The following CPNE2 variants were observed in gnomAD, a reference collection of about 807,000 sequenced individuals.
The protein encoded by CPNE2 is copine-2.
In CPNE2, 42 loss-of-function variants were observed where a neutral mutation model predicts 69.7. That is an observed-to-expected ratio of 0.60 (90% CI 0.47 to 0.78). The LOEUF (loss-of-function observed/expected upper bound fraction) is 0.78. Among genes scored for constraint, CPNE2 ranks in the 30% least tolerant of loss-of-function variants. The probability of loss-of-function intolerance (pLI) is 0.00; values close to 1 mark genes in which losing one functional copy is unlikely to be tolerated. For missense variants in CPNE2, 587 were observed against 732.0 expected, an observed-to-expected ratio of 0.80 and a Z score of 2.29; for synonymous variants, 294 against 289.8, an observed-to-expected ratio of 1.01 and a Z score of -0.15.
chr16:57,108,912 T>C (rs2069663316), intron 1 of CPNE2, among the ~76,000 whole-genome samples: 2 of 152,248 alleles, frequency 1.3e-5, no homozygotes, highest in African/African-American at 4.8e-5. Context: ...TGGCAGGATC[T>C]GAGGCATATG....
intron 1 of CPNE2, among the ~76,000 whole-genome samples, chr16:57,100,186 T>C (rs772446662): frequency 6.6e-5 from 10 of 152,302 alleles, no homozygotes; most frequent in Non-Finnish European, 1.0e-4. Context: ...ATTACAGGCA[T>C]GAGTCACCAT....
intron 1 of CPNE2, chr16:57,110,489 T>G: frequency 4.0e-6 from 1 of 248,280 alleles, no homozygotes; most frequent in Non-Finnish European, 7.8e-6. Flanking sequence ...GTGCTGAGAT[T>G]ATAGGCGTGA....
At chr16:57,123,336 A>G (rs938723685) in intron 9 of CPNE2, 78 bp from the exon 10 acceptor site, 11 of 1,453,652 alleles carry the variant, frequency 7.6e-6, no homozygotes, top group African/African-American at 1.4e-5. Context: ...CTGAGGTTGC[A>G]GGACATAGAG....
intron 1 of CPNE2, chr16:57,093,822 G>A (rs2069560666): frequency 1.2e-5 from 4 of 328,900 alleles, no homozygotes. Context: ...ACAGCTTCAC[G>A]GACTGCAGGG....
Position 57,117,544 on chromosome 16 carries a change from G to A in CPNE2, c.484G>A (p.Ala162Thr), listed in dbSNP as rs1359592706. The change falls in exon 5 of 16, where the codon GCG (alanine) becomes ACG (threonine). Residue 162 changes from alanine (A) to threonine (T), a missense_variant. Coordinates refer to ENST00000290776, the MANE Select transcript of CPNE2 (RefSeq NM_152727.6). ...SDNRVITLSL[A>T]GRRLDKKDLF... is the part of the protein sequence containing the mutation. The stretch of plus-strand genomic sequence containing the variant: ...CAACCGCGTCATCACACTAAGCCTG[G>A]CGGGCAGGAGGCTGGACAAGAAGGT... 6 of 1,613,960 alleles carry A rather than the reference G, an allele frequency of 3.7e-6. No individual in the cohort carries two copies. The highest frequency in any genetic ancestry group is 5.1e-6 in the Non-Finnish European group (6 of 1,179,940).
intron 13 of CPNE2, among the ~76,000 whole-genome samples, 164 bp from the exon 14 acceptor site, chr16:57,136,985 C>CT (rs2069886304): frequency 6.6e-6 from 1 of 152,260 alleles, no homozygotes; most frequent in Non-Finnish European, 1.5e-5. Flanking sequence ...TTTTACCATG[C>CT]TGGCCCTTCC....
At chr16:57,100,101 G>T (rs2069604188) in intron 1 of CPNE2, among the ~76,000 whole-genome samples, 1 of 151,922 alleles carries the variant, frequency 6.6e-6, no homozygotes, top group Non-Finnish European at 1.5e-5. Context: ...TGGGGATGGG[G>T]TTTCACAATG....
At chr16:57,144,000 T>A (rs1225430805) in intron 14 of CPNE2, 1 of 152,392 alleles carries the variant, frequency 6.6e-6, no homozygotes, top group African/African-American at 2.4e-5. Flanking sequence ...TCTACCTATC[T>A]GCTTAGGTGT....
intron 1 of CPNE2, among the ~76,000 whole-genome samples, chr16:57,104,654 C>T (rs978929460): frequency 2.0e-5 from 3 of 152,104 alleles, no homozygotes; most frequent in Admixed American, 6.5e-5. Context: ...TCCTGAGGGA[C>T]GGGGCAGACA....
intron 10 of CPNE2, chr16:57,125,525 G>A (rs2069794332): frequency 7.7e-6 from 3 of 388,778 alleles, no homozygotes; most frequent in Non-Finnish European, 1.5e-5. Flanking sequence ...TGCATGCAGA[G>A]CGAAGCTTAT....
intron 1 of CPNE2, among the ~76,000 whole-genome samples, chr16:57,109,696 G>T (rs765593662): frequency 1.9e-4 from 29 of 152,294 alleles, no homozygotes; most frequent in South Asian, 1.0e-3. Flanking sequence ...AAGTGTAGCA[G>T]TGAGGACGAC....
At chr16:57,111,437 C>T (rs1483893365) in intron 2 of CPNE2, among the ~76,000 whole-genome samples, 1 of 152,238 alleles carries the variant, frequency 6.6e-6, no homozygotes, top group Non-Finnish European at 1.5e-5. Flanking sequence ...CTCCACTTCC[C>T]AAAGTGCTGG....
intron 1 of CPNE2, chr16:57,093,811 C>G (rs1460639870): frequency 6.2e-6 from 2 of 325,144 alleles, no homozygotes; most frequent in East Asian, 2.0e-4. Context: ...CTTGGGCATC[C>G]ACAGCTTCAC....
In CPNE2 at chr16:57,094,478, T is replaced by C. The variant is rs74022133; in HGVS notation, c.-36+1688T>C. 8.8e-3 allele frequency among the ~76,000 whole-genome samples: 1,335 copies of C among 152,194 alleles called. 18 individuals carry two copies. Among genetic ancestry groups the C allele is most frequent in the African/African-American group, 0.031 (1,283 of 41,514 alleles). On this transcript the variant is annotated intron_variant, in intron 1 of 15. Coordinates refer to ENST00000290776, the MANE Select transcript of CPNE2 (RefSeq NM_152727.6). Reference sequence around the variant, plus strand: ...AAGATGGCTGAGAATGGAGCCTCGGTTTCTATGTCTGTAAAACAGTAAGTA... The same window carrying C: ...AAGATGGCTGAGAATGGAGCCTCGGCTTCTATGTCTGTAAAACAGTAAGTA...
At chr16:57,140,832 T>C (rs1187491553) in intron 14 of CPNE2, 1 of 151,254 alleles carries the variant, frequency 6.6e-6, no homozygotes, top group Non-Finnish European at 1.5e-5. Flanking sequence ...CCCAAAGTGC[T>C]GGGATTACAG....
In CPNE2 at chr16:57,147,406, T is replaced by C. The variant is rs780013897; in HGVS notation, c.1540-145T>C. The C allele has an allele frequency of 1.6e-4, 77 of 487,674 alleles. No individual in the cohort carries two copies. In the Admixed American group the frequency reaches 1.6e-3, roughly 10 times the overall value. The allele number at this position is 487,674 out of a possible 1,614,324, so 30.2% of individuals were successfully genotyped here. Reference sequence around the variant, plus strand: ...CCTGGGCTGAGATGAGGGATGCCACTTGCAGACAGCCCTGGCCCGCAGCCC... The same window carrying C: ...CCTGGGCTGAGATGAGGGATGCCACCTGCAGACAGCCCTGGCCCGCAGCCC... On this transcript the variant is annotated intron_variant, in intron 15 of 15. Coordinates refer to ENST00000290776, the MANE Select transcript of CPNE2 (RefSeq NM_152727.6).
intron 1 of CPNE2, among the ~76,000 whole-genome samples, chr16:57,107,218 T>C (rs1484146167): frequency 1.3e-5 from 2 of 151,672 alleles, no homozygotes; most frequent in Non-Finnish European, 2.9e-5. Flanking sequence ...GTTCACCAGC[T>C]CCTCCAGTGG....
intron 1 of CPNE2, among the ~76,000 whole-genome samples, chr16:57,103,447 A>C (rs2069628190): frequency 6.6e-6 from 1 of 152,020 alleles, no homozygotes; most frequent in Admixed American, 6.6e-5. Context: ...TCTACACATC[A>C]AGTTGCATGT....
intron 1 of CPNE2, among the ~76,000 whole-genome samples, chr16:57,108,724 G>A (rs1256300828): frequency 6.6e-6 from 1 of 152,202 alleles, no homozygotes; most frequent in African/African-American, 2.4e-5. Flanking sequence ...CCCTTGAGAT[G>A]GGTTGCTCCA....
Sources: allele counts gnomAD v4.1 joint callset (sites outside exome capture counted in the v4.1 genomes callset), GRCh38; gene constraint gnomAD v4.1.1; transcripts MANE v1.5; gene names NCBI Gene and HGNC (gene_info 2026-07-23, HGNC 2026-07-21).